The following HUNK variants were observed in gnomAD, a reference collection of about 807,000 sequenced individuals.
HUNK encodes the protein hormonally up-regulated Neu-associated kinase.
In HUNK, 21 loss-of-function variants were observed where a neutral mutation model predicts 61.0. The observed-to-expected ratio is 0.34, with a 90% confidence interval of 0.24 to 0.50. HUNK has a LOEUF of 0.50. Ranked by LOEUF, HUNK falls within the 20% of genes least tolerant of loss-of-function variation. HUNK has a pLI of 0.98. For synonymous variants in HUNK, 371 were observed against 386.1 expected, an observed-to-expected ratio of 0.96 and a Z score of 0.46; for missense variants, 772 against 945.7, an observed-to-expected ratio of 0.82 and a Z score of 2.41.
At chr21:31,942,044 T>C in intron 3 of HUNK, among the ~76,000 whole-genome samples, 1 of 152,224 alleles carries the variant, frequency 6.6e-6, no homozygotes, top group South Asian at 2.1e-4. Context: ...CCCCCGTCTC[T>C]ATTAAAAATG....
intron 1 of HUNK, among the ~76,000 whole-genome samples, chr21:31,913,865 A>G (rs11909388): frequency 0.42 from 63,409 of 151,520 alleles, 15,149 homozygotes; most frequent in African/African-American, 0.66. Context: ...TCCGGGTGCC[A>G]GGGACCCTGG....
At chr21:31,946,382 C>T (rs1307305571) in intron 4 of HUNK, among the ~76,000 whole-genome samples, 1 of 152,038 alleles carries the variant, frequency 6.6e-6, no homozygotes, top group East Asian at 1.9e-4. Context: ...AAATTCACTG[C>T]GGTGCTGAGA....
At chr21:31,926,718 A>G (rs1172164680) in intron 2 of HUNK, among the ~76,000 whole-genome samples, 2 of 152,216 alleles carry the variant, frequency 1.3e-5, no homozygotes, top group African/African-American at 4.8e-5. Context: ...ATGTATGGAT[A>G]TACCACAATT....
Position 31,999,051 on chromosome 21 carries a change from T to G in HUNK, c.2012T>G (p.Met671Arg). The G allele has an allele frequency of 6.2e-7, 1 of 1,614,156 alleles. No individual in the cohort carries two copies. The highest frequency in any genetic ancestry group is 8.5e-7 in the Non-Finnish European group (1 of 1,180,024). The stretch of plus-strand genomic sequence containing the variant: ...TTCCCTATGATGGGCATCGGACAGA[T>G]GTTAAGGAAGCGCCATCAGAGTCTG... ...GRFPMMGIGQ[M>R]LRKRHQSLQP... Residue 671 changes from methionine to arginine, a missense_variant, in exon 11 of 11, where the codon ATG (methionine) becomes AGG (arginine). Met to Arg is a moderately conservative substitution (Grantham distance 91). This residue lies in a region of HUNK where 413 missense variants were observed against 444.4 expected (regional missense o/e 0.93). Transcript: ENST00000270112.
rs1362626970 is a variant in HUNK at position 31,961,042 on chromosome 21, C to T, written c.874+2072C>T. On this transcript the variant is annotated intron_variant, in intron 5 of 10. Transcript: ENST00000270112. Reference sequence around the variant, plus strand: ...TGTGACAGCCACCACAGTCAAGATGCAAGACAGTTCCCTCACAAGGATCCC... The same window carrying T: ...TGTGACAGCCACCACAGTCAAGATGTAAGACAGTTCCCTCACAAGGATCCC... 2.0e-5 allele frequency among the ~76,000 whole-genome samples: 3 copies of T among 152,154 alleles called. No homozygotes were observed. The East Asian group carries it at 5.8e-4, about 29-fold the overall frequency.
intron 2 of HUNK, among the ~76,000 whole-genome samples, chr21:31,938,604 A>G (rs1195668237): frequency 2.0e-5 from 3 of 152,224 alleles, no homozygotes; most frequent in Non-Finnish European, 2.9e-5. Flanking sequence ...TAACATGATT[A>G]CGCCATTCAG....
At chr21:31,914,266 G>A (rs2123808689) in intron 1 of HUNK, among the ~76,000 whole-genome samples, 1 of 152,092 alleles carries the variant, frequency 6.6e-6, no homozygotes, top group Admixed American at 6.5e-5. Context: ...AATTAGCCGG[G>A]CATGGTGGCT....
intron 1 of HUNK, among the ~76,000 whole-genome samples, chr21:31,893,490 A>G (rs1184740096): frequency 1.3e-5 from 2 of 152,158 alleles, no homozygotes; most frequent in African/African-American, 2.4e-5. Flanking sequence ...CTGGTCTCCT[A>G]TAGTCATGTT....
intron 1 of HUNK, among the ~76,000 whole-genome samples, chr21:31,903,768 T>C (rs2052486178): frequency 6.6e-6 from 1 of 152,240 alleles, no homozygotes; most frequent in Non-Finnish European, 1.5e-5. Context: ...AGGACTGTGC[T>C]ATTTCTGCAT....
At chr21:31,906,078 C>T (rs934066749) in intron 1 of HUNK, among the ~76,000 whole-genome samples, 4 of 152,138 alleles carry the variant, frequency 2.6e-5, no homozygotes, top group Admixed American at 2.0e-4. Flanking sequence ...TGATATTTCC[C>T]CTTAGCATCA....
intron 7 of HUNK, among the ~76,000 whole-genome samples, chr21:31,983,054 C>T (rs189289754): frequency 5.3e-4 from 81 of 152,310 alleles, no homozygotes; most frequent in African/African-American, 1.7e-3. Flanking sequence ...CCACCCGCCT[C>T]GGCCTCCCAA....
chr21:31,994,547 C>T (rs1021263509), intron 9 of HUNK, among the ~76,000 whole-genome samples: 5 of 152,080 alleles, frequency 3.3e-5, no homozygotes, highest in African/African-American at 4.8e-5. Context: ...TTTTTTTCCT[C>T]CTCACCCACG....
chr21:31,955,700 T>C (rs944961766), intron 4 of HUNK, among the ~76,000 whole-genome samples: 2 of 152,254 alleles, frequency 1.3e-5, no homozygotes, highest in Admixed American at 1.3e-4. Flanking sequence ...CTTTGTGAAA[T>C]GTTTTAGTCA....
At chr21:31,917,001 T>G (rs1481811541) in intron 1 of HUNK, among the ~76,000 whole-genome samples, 1 of 152,140 alleles carries the variant, frequency 6.6e-6, no homozygotes, top group Non-Finnish European at 1.5e-5. Context: ...CTGTCTCTCC[T>G]GCATCTTGTA....
intron 4 of HUNK, among the ~76,000 whole-genome samples, 162 bp downstream of exon 4, chr21:31,946,333 T>TGACA (rs2123831515): frequency 6.6e-6 from 1 of 152,304 alleles, no homozygotes; most frequent in South Asian, 2.1e-4. Flanking sequence ...CTGTTCCTTC[T>TGACA]GTTTTTTTCT....
intron 1 of HUNK, among the ~76,000 whole-genome samples, chr21:31,878,724 G>T (rs1390216619): frequency 6.6e-6 from 1 of 152,210 alleles, no homozygotes; most frequent in East Asian, 1.9e-4. Context: ...ATTGTGTTTT[G>T]TAAAAAATTG....
At chr21:31,943,863 T>G (rs1484223272) in intron 3 of HUNK, among the ~76,000 whole-genome samples, 7 of 152,228 alleles carry the variant, frequency 4.6e-5, no homozygotes, top group Admixed American at 3.9e-4. Flanking sequence ...GAACAGAGTC[T>G]TTTGCTTTGA....
At chr21:31,939,725 T>G (rs1197239850) in intron 2 of HUNK, among the ~76,000 whole-genome samples, 3 of 151,390 alleles carry the variant, frequency 2.0e-5, no homozygotes, top group Middle Eastern at 6.8e-3. Flanking sequence ...TTGTTTTTTT[T>G]TTTTTTTTTT....
chr21:31,916,043 CTTTTTTTTTTTTT>C (rs34245381), intron 1 of HUNK, among the ~76,000 whole-genome samples: 11 of 81,776 alleles, frequency 1.3e-4, no homozygotes, highest in Admixed American at 2.0e-4. Flanking sequence ...TAAGTGCTTT[CTTTTTTTTTTTTT>C]TTTTTTTTTT....
Sources: gnomAD v4.1 joint callset for allele counts (sites outside exome capture counted in the v4.1 genomes callset) on GRCh38, gnomAD v4.1.1 for gene constraint, gnomAD v4.1.1 regional missense constraint, MANE v1.5 for transcripts, NCBI Gene and HGNC (gene_info 2026-07-23, HGNC 2026-07-21) for gene names.